The following ADAMTSL3 variants were observed in gnomAD, a reference collection of about 807,000 sequenced individuals.
ADAMTSL3 encodes the protein ADAMTS-like protein 3.
ADAMTSL3 carries 128 observed loss-of-function variants against 201.7 expected under a neutral mutation model. The observed-to-expected ratio is 0.63, with a 90% CI of 0.55 to 0.73. ADAMTSL3 has a LOEUF of 0.73. ADAMTSL3 is among the 30% of genes least tolerant of loss of function. The pLI, the probability that ADAMTSL3 is intolerant of heterozygous loss-of-function variation, is 0.00. For synonymous variants in ADAMTSL3, 738 were observed against 748.4 expected (o/e 0.99, Z 0.23); for missense variants, 1,990 against 2,119.6 (o/e 0.94, Z 1.20).
intron 25 of ADAMTSL3, among the ~76,000 whole-genome samples, chr15:84,020,094 A>G (rs1255614182): frequency 6.6e-6 from 1 of 152,154 alleles, no homozygotes; most frequent in East Asian, 1.9e-4. Context: ...AAGTGCTTAC[A>G]ATTGTGAAAC....
At chr15:83,705,796 G>T (rs764295007) in intron 3 of ADAMTSL3, among the ~76,000 whole-genome samples, 3 of 152,188 alleles carry the variant, frequency 2.0e-5, no homozygotes, top group Non-Finnish European at 4.4e-5. Flanking sequence ...GAAGGTCAGG[G>T]CTGTGACCCT....
intron 21 of ADAMTSL3, among the ~76,000 whole-genome samples, 196 bp from the exon 22 acceptor site, chr15:83,988,495 T>C (rs981343502): frequency 1.3e-5 from 2 of 152,152 alleles, no homozygotes; most frequent in African/African-American, 2.4e-5. Flanking sequence ...TGTTAACCTA[T>C]AGCAAGAGGA....
chr15:83,853,904 ATCTC>A (rs1404487324), intron 7 of ADAMTSL3, among the ~76,000 whole-genome samples: 14 of 113,950 alleles, frequency 1.2e-4, no homozygotes, highest in Admixed American at 3.0e-4. Context: ...CTATCACTCT[ATCTC>A]TATCTATCTA....
At chr15:83,826,255 A>C (rs948924310) in intron 6 of ADAMTSL3, among the ~76,000 whole-genome samples, 5 of 151,970 alleles carry the variant, frequency 3.3e-5, no homozygotes, top group African/African-American at 1.2e-4. Flanking sequence ...AGCTGGGACT[A>C]CAGTAATGTT....
At chr15:83,741,716 G>T (rs1412106061) in intron 3 of ADAMTSL3, among the ~76,000 whole-genome samples, 1 of 152,136 alleles carries the variant, frequency 6.6e-6, no homozygotes, top group African/African-American at 2.4e-5. Flanking sequence ...AATATATTTG[G>T]CTGGGTATGG....
chr15:83,875,585 C>A (rs1485382679), intron 9 of ADAMTSL3, among the ~76,000 whole-genome samples: 1 of 151,990 alleles, frequency 6.6e-6, no homozygotes, highest in East Asian at 1.9e-4. Flanking sequence ...GAGATCAAGA[C>A]CATCCTGGCC....
intron 3 of ADAMTSL3, among the ~76,000 whole-genome samples, chr15:83,769,987 G>A (rs1280603956): frequency 2.0e-5 from 3 of 151,768 alleles, no homozygotes; most frequent in African/African-American, 7.3e-5. Flanking sequence ...TGTGGTTTTT[G>A]TTTGTTTGCT....
intron 1 of ADAMTSL3, among the ~76,000 whole-genome samples, chr15:83,655,270 T>G (rs1307432512): frequency 6.6e-6 from 1 of 152,208 alleles, no homozygotes; most frequent in African/African-American, 2.4e-5. Flanking sequence ...TCAGAAGATC[T>G]GCGTTTCAGC....
rs375502646 is a variant in ADAMTSL3, at chr15:83,868,376, CT to C, written c.803-2419del. On this transcript the variant is annotated intron_variant, in intron 8 of 29. Transcript: ENST00000286744. The stretch of plus-strand genomic sequence containing the variant: ...TTGTTGATTGAAACACCACAAACTC[CT>C]TTTTTTGTCATTTATTTTTAAGAGG... Among the ~76,000 whole-genome samples, 1,357 of 152,262 alleles carry C rather than the reference CT, an allele frequency of 8.9e-3. 16 individuals carry two copies. The highest frequency in any genetic ancestry group is 0.03 in the African/African-American group (1,266 of 41,558).
chr15:83,987,927 GAATAA>G (rs1397316750), intron 21 of ADAMTSL3, among the ~76,000 whole-genome samples: 3 of 152,010 alleles, frequency 2.0e-5, no homozygotes, highest in Non-Finnish European at 4.4e-5. Flanking sequence ...AAATTATTAA[GAATAA>G]AATAAAATAA....
At chr15:83,681,296 C>T in intron 2 of ADAMTSL3, among the ~76,000 whole-genome samples, 1 of 152,132 alleles carries the variant, frequency 6.6e-6, no homozygotes, top group Non-Finnish European at 1.5e-5. Flanking sequence ...GAAAATGTGG[C>T]AAATTGGGTG....
intron 13 of ADAMTSL3, among the ~76,000 whole-genome samples, chr15:83,893,965 T>C (rs1431784790): frequency 6.6e-6 from 1 of 152,200 alleles, no homozygotes; most frequent in Non-Finnish European, 1.5e-5. Flanking sequence ...ATTCATATAT[T>C]TATTCAATGG....
chr15:83,723,359 A>C (rs2141581739), intron 3 of ADAMTSL3, among the ~76,000 whole-genome samples: 1 of 152,356 alleles, frequency 6.6e-6, no homozygotes, highest in East Asian at 1.9e-4. Context: ...AATACTGCTA[A>C]GTGCAGTGCT....
chr15:83,671,300 G>T (rs1248698535), intron 2 of ADAMTSL3, among the ~76,000 whole-genome samples: 1 of 152,086 alleles, frequency 6.6e-6, no homozygotes, highest in Non-Finnish European at 1.5e-5. Flanking sequence ...AGAACTTTTT[G>T]GGGGCAGCCC....
intron 23 of ADAMTSL3, among the ~76,000 whole-genome samples, chr15:83,992,687 A>G (rs2067602536): frequency 6.6e-6 from 1 of 152,252 alleles, no homozygotes. Flanking sequence ...CATTAAAAGG[A>G]TTGGAGTGCA....
chr15:83,967,058 A>G (rs917087806), intron 19 of ADAMTSL3, among the ~76,000 whole-genome samples: 3 of 152,214 alleles, frequency 2.0e-5, no homozygotes, highest in African/African-American at 7.2e-5. Flanking sequence ...ATTTATGACA[A>G]ACCCACAGCC....
intron 3 of ADAMTSL3, among the ~76,000 whole-genome samples, chr15:83,763,590 T>C (rs1016788563): frequency 6.6e-6 from 1 of 151,776 alleles, no homozygotes; most frequent in East Asian, 2.0e-4. Flanking sequence ...CTGCAAGCTC[T>C]GCCTCCCGGG....
At chr15:83,876,267 A>C (rs2065175583) in intron 9 of ADAMTSL3, among the ~76,000 whole-genome samples, 1 of 151,868 alleles carries the variant, frequency 6.6e-6, no homozygotes, top group South Asian at 2.1e-4. Context: ...GACCATCCAA[A>C]CATTGTCTCT....
intron 7 of ADAMTSL3, among the ~76,000 whole-genome samples, chr15:83,856,568 T>C (rs940899536): frequency 2.6e-5 from 4 of 152,076 alleles, no homozygotes; most frequent in Non-Finnish European, 5.9e-5. Context: ...AGTAGGTAAT[T>C]GTCTAGGCCA....
Sources: allele counts gnomAD v4.1 joint callset (sites outside exome capture counted in the v4.1 genomes callset), GRCh38; gene constraint gnomAD v4.1.1; transcripts MANE v1.5; gene names NCBI Gene and HGNC (gene_info 2026-07-23, HGNC 2026-07-21).